Variants in MAPK6 observed in about 807,000 individuals in gnomAD.
MAPK6 encodes ERK-3.
MAPK6 carries 19 observed loss-of-function variants against 59.3 expected under a neutral mutation model. The ratio of observed to expected loss-of-function variants is 0.32; its 90% confidence interval spans 0.22 to 0.47. The LOEUF (loss-of-function observed/expected upper bound fraction) is 0.47, where lower values mean the gene tolerates loss of function less well. MAPK6 is among the 20% of genes least tolerant of loss of function. The pLI, the probability that MAPK6 is intolerant of heterozygous loss-of-function variation, is 1.00. For missense variants in MAPK6, 724 were observed against 847.9 expected (o/e 0.85, Z 1.81); for synonymous variants, 316 against 290.3 (o/e 1.09, Z -0.90).
chr15:52,047,128 T>C lies in MAPK6; in HGVS notation c.555+113T>C, dbSNP rs762024573. The C allele has an allele frequency of 6.0e-6, 4 of 671,940 alleles. No individual in the cohort carries two copies. In the East Asian group the frequency reaches 1.2e-4, roughly 20 times the overall value. The allele number at this position is 671,940 out of a possible 1,614,324, so 41.6% of individuals were successfully genotyped here. The stretch of plus-strand genomic sequence containing the variant: ...CAGAATTTTTAATCTTATTAAACTT[T>C]ACATAGTGCCTTTTTTCTGAAACAA... On this transcript the variant is annotated intron_variant, in intron 2 of 5. Transcript: ENST00000261845.
chr15:52,016,742 C>T (rs114296150), upstream of MAPK6, among the ~76,000 whole-genome samples: 371 of 152,224 alleles, frequency 2.4e-3, 2 homozygotes, highest in African/African-American at 8.5e-3. Context: ...CACTGAAAAA[C>T]CAGTCTTAAA....
chr15:52,067,151 G>C lies in MAPK6; in HGVS notation c.*2151G>C, dbSNP rs566886529. 1 of 152,232 alleles carries C rather than the reference G, an allele frequency of 6.6e-6. No individual in the cohort carries two copies. Among genetic ancestry groups the C allele is most frequent in the South Asian group, 2.1e-4 (1 of 4,826 alleles). The allele number at this position is 152,232 out of a possible 1,614,324, so 9.4% of individuals were successfully genotyped here. A position where few individuals can be genotyped will look rare whatever the true frequency, so the allele number is the denominator to read the frequency against. ...TAGGATTTTTCTTACTGGGAAACTT[G>C]GCTCCTGGACTTAATCCACATTCGT... On this transcript the variant is annotated 3_prime_UTR_variant, in exon 6 of 6. Transcript: ENST00000261845.
chr15:51,994,505 C>A lies in MAPK6; in HGVS notation c.-769-9760C>A, dbSNP rs746140812. 3.9e-5 allele frequency among the ~76,000 whole-genome samples: 6 copies of A among 152,124 alleles called. No homozygotes were observed. In the South Asian group the frequency reaches 1.0e-3, roughly 26 times the overall value. ...ACTGTGGTAAGCAATGATCGTGCCA[C>A]TGTACTCCAGCCTGGGCAACAGAGC... On this transcript the variant is annotated intron_variant, in intron 2 of 7. Coordinates refer to the MAPK6 transcript ENST00000691380.
intron 1 of MAPK6, 55 bp downstream of exon 1, chr15:52,019,431 C>G (rs1357486921): frequency 6.9e-6 from 1 of 145,900 alleles, no homozygotes; most frequent in Non-Finnish European, 1.5e-5. Context: ...CTCGGGAGGG[C>G]GCCGCGGCGG....
chr15:52,062,670 C>T (rs745412735), intron 5 of MAPK6, among the ~76,000 whole-genome samples: 1 of 152,102 alleles, frequency 6.6e-6, no homozygotes, highest in Non-Finnish European at 1.5e-5. Context: ...GAGGCTGAGG[C>T]AGGAGAATCA....
chr15:52,004,167 G>T (rs1206651234), intron 2 of MAPK6: 1 of 152,224 alleles, frequency 6.6e-6, no homozygotes, highest in Non-Finnish European at 1.5e-5. Flanking sequence ...ACAGAGGGAG[G>T]AGGGAAAGAA....
At chr15:52,001,224 C>G (rs116829720) in intron 2 of MAPK6, among the ~76,000 whole-genome samples, 2,690 of 152,216 alleles carry the variant, frequency 0.018, 77 homozygotes, top group African/African-American at 0.061. Flanking sequence ...CAGCCCTCAC[C>G]AAACAGCCAA....
chr15:52,015,786 G>A (rs548336741), upstream of MAPK6, among the ~76,000 whole-genome samples: 2 of 148,990 alleles, frequency 1.3e-5, no homozygotes, highest in Admixed American at 1.3e-4. Context: ...GGCTGGGCGT[G>A]GTGGCTCACA....
At chr15:51,976,191 G>A (rs557883417) in intron 1 of MAPK6, among the ~76,000 whole-genome samples, 2 of 150,742 alleles carry the variant, frequency 1.3e-5, no homozygotes, top group African/African-American at 2.4e-5. Context: ...GCTTGAACCC[G>A]GGAGGCAGAG....
At chr15:52,044,398 G>A (rs544980035) in intron 1 of MAPK6, among the ~76,000 whole-genome samples, 37 of 152,230 alleles carry the variant, frequency 2.4e-4, no homozygotes, top group African/African-American at 8.2e-4. Context: ...AATGAGTTGC[G>A]TTTACTGAGG....
chr15:51,971,926 C>G, intron 1 of MAPK6: 1 of 634,276 alleles, frequency 1.6e-6, no homozygotes, highest in Non-Finnish European at 2.8e-6. Flanking sequence ...GTATATAAGC[C>G]CGGCCATTTC....
At chr15:51,996,548 A>C (rs2057224720) in intron 2 of MAPK6, among the ~76,000 whole-genome samples, 1 of 152,040 alleles carries the variant, frequency 6.6e-6, no homozygotes, top group African/African-American at 2.4e-5. Flanking sequence ...GGCATGTGCC[A>C]CCATGCCCAG....
chr15:52,027,255 C>T (rs1370340582), intron 1 of MAPK6, among the ~76,000 whole-genome samples: 1 of 138,972 alleles, frequency 7.2e-6, no homozygotes, highest in African/African-American at 2.7e-5. Flanking sequence ...GAGGCTGAGA[C>T]AGAAAAATTG....
At chr15:52,061,908 TAAGG>T (rs1200977162) in intron 5 of MAPK6, among the ~76,000 whole-genome samples, 2 of 152,170 alleles carry the variant, frequency 1.3e-5, no homozygotes, top group African/African-American at 2.4e-5. Flanking sequence ...TCAAAGTCAT[TAAGG>T]CATATTTATA....
intron 2 of MAPK6, among the ~76,000 whole-genome samples, chr15:51,998,729 C>G (rs1249953469): frequency 3.5e-5 from 2 of 57,054 alleles, no homozygotes; most frequent in African/African-American, 5.6e-5. Context: ...CTCGCTCTGC[C>G]GCCCAGGCTG....
At chr15:51,990,676 C>A (rs1187947536) in intron 2 of MAPK6, among the ~76,000 whole-genome samples, 1 of 152,098 alleles carries the variant, frequency 6.6e-6, no homozygotes, top group Non-Finnish European at 1.5e-5. Context: ...TTAGGCCAGG[C>A]GCAGTGGCTC....
intron 2 of MAPK6, among the ~76,000 whole-genome samples, chr15:51,984,689 G>T (rs1417034953): frequency 1.3e-5 from 2 of 151,870 alleles, no homozygotes; most frequent in East Asian, 1.9e-4. Context: ...AGTTCTCCGG[G>T]GGGGAAGAAA....
intron 2 of MAPK6, among the ~76,000 whole-genome samples, chr15:51,991,805 G>A (rs561167138): frequency 5.9e-5 from 9 of 152,268 alleles, no homozygotes; most frequent in African/African-American, 1.2e-4. Flanking sequence ...AGAAGAATCC[G>A]GCACAGAGCT....
chr15:52,007,045 T>C (rs2029906832), intron 3 of MAPK6, among the ~76,000 whole-genome samples: 1 of 152,202 alleles, frequency 6.6e-6, no homozygotes, highest in African/African-American at 2.4e-5. Context: ...TTTGAGACTA[T>C]AGAACTGTGA....
Sources: allele counts gnomAD v4.1 joint callset (sites outside exome capture counted in the v4.1 genomes callset), GRCh38; gene constraint gnomAD v4.1.1; transcripts MANE v1.5; gene names NCBI Gene and HGNC (gene_info 2026-07-23, HGNC 2026-07-21).